The following CNTNAP5 variants were observed in gnomAD, a reference collection of about 807,000 sequenced individuals.
CNTNAP5 encodes contactin-associated protein-like 5.
In CNTNAP5, 72 loss-of-function variants were observed where a neutral mutation model predicts 150.2. The observed-to-expected ratio is 0.48, with a 90% CI of 0.40 to 0.58. CNTNAP5 has a LOEUF of 0.58. Among genes scored for constraint, CNTNAP5 ranks in the 20% least tolerant of loss-of-function variants. The pLI is 0.00. For missense variants in CNTNAP5, 1,636 were observed against 1,626.2 expected (o/e 1.01, Z -0.10); for synonymous variants, 672 against 619.8 (o/e 1.08, Z -1.25).
intron 16 of CNTNAP5, among the ~76,000 whole-genome samples, chr2:124,764,851 G>A (rs182491316): frequency 2.1e-4 from 32 of 152,098 alleles, no homozygotes; most frequent in African/African-American, 7.7e-4. Context: ...ACATCAAGTG[G>A]TATTTTTAAT....
chr2:124,579,663 T>G (rs976137145), intron 11 of CNTNAP5, among the ~76,000 whole-genome samples: 2 of 152,204 alleles, frequency 1.3e-5, no homozygotes, highest in Admixed American at 1.3e-4. Flanking sequence ...CAGCCTTCTC[T>G]AGAATGTGAA....
intron 8 of CNTNAP5, among the ~76,000 whole-genome samples, chr2:124,514,612 A>T (rs1314279261): frequency 1.3e-5 from 2 of 152,192 alleles, no homozygotes; most frequent in Non-Finnish European, 1.5e-5. Flanking sequence ...GTAAAGAGGC[A>T]TTAATGAATA....
At position 124,834,675 on chromosome 2, in the gene CNTNAP5, C is replaced by T. The variant is rs187327653; in HGVS notation, c.3218-30631C>T. On this transcript the variant is annotated intron_variant, in intron 19 of 23. Transcript: ENST00000682447. ...CTCTAGGCAAATCATACTAAGGGAG[C>T]TCTATAGTCAAGTGCACTGTGGCAC... Among the ~76,000 whole-genome samples the T allele has an allele frequency of 2.0e-5, 3 of 152,110 alleles. No individual in the cohort carries two copies. The East Asian group carries it at 5.8e-4, about 29-fold the overall frequency.
intron 4 of CNTNAP5, among the ~76,000 whole-genome samples, chr2:124,431,573 CATTATATATAATTTCTTTA>C (rs1692385141): frequency 7.6e-6 from 1 of 131,998 alleles, no homozygotes; most frequent in Non-Finnish European, 1.6e-5. Flanking sequence ...TTTATATAAA[CATTATATATAATTTCTTTA>C]TATAAACATT....
chr2:124,145,843 A>AGAAAAAAT (rs1684237813), intron 1 of CNTNAP5, among the ~76,000 whole-genome samples: 1 of 143,716 alleles, frequency 7.0e-6, no homozygotes, highest in Non-Finnish European at 1.5e-5. Context: ...AAAAAAAAAA[A>AGAAAAAAT]AAATAAAATA....
intron 3 of CNTNAP5, among the ~76,000 whole-genome samples, chr2:124,259,517 CTGT>C (rs1259795708): frequency 6.6e-6 from 1 of 152,130 alleles, no homozygotes; most frequent in Non-Finnish European, 1.5e-5. Flanking sequence ...TCTCCAGCAC[CTGT>C]TGTTTCCTGA....
chr2:124,568,623 T>C (rs1696084099), intron 11 of CNTNAP5, among the ~76,000 whole-genome samples: 1 of 152,246 alleles, frequency 6.6e-6, no homozygotes, highest in Non-Finnish European at 1.5e-5. Flanking sequence ...CCAAGACGTT[T>C]TTGTTTCTAT....
chr2:124,163,881 A>G (rs953716299), intron 1 of CNTNAP5, among the ~76,000 whole-genome samples: 9 of 152,130 alleles, frequency 5.9e-5, no homozygotes, highest in Non-Finnish European at 1.0e-4. Flanking sequence ...AAAGAATTAA[A>G]ACCTCTCTTA....
At chr2:124,116,459 G>C (rs1683431090) in intron 1 of CNTNAP5, among the ~76,000 whole-genome samples, 1 of 152,174 alleles carries the variant, frequency 6.6e-6, no homozygotes, top group Non-Finnish European at 1.5e-5. Context: ...CTAGCAGCTG[G>C]ACATCCATAG....
At chr2:124,834,476 A>G (rs1682787449) in intron 19 of CNTNAP5, among the ~76,000 whole-genome samples, 3 of 152,158 alleles carry the variant, frequency 2.0e-5, no homozygotes, top group African/African-American at 7.2e-5. Flanking sequence ...TGTTCCACAC[A>G]GAGAGAAGTA....
intron 2 of CNTNAP5, among the ~76,000 whole-genome samples, chr2:124,229,463 C>T (rs1306416897): frequency 6.6e-6 from 1 of 152,156 alleles, no homozygotes; most frequent in East Asian, 1.9e-4. Flanking sequence ...CTTCCACAAA[C>T]ACTTCAGCCT....
At chr2:124,565,984 A>G (rs1348262424) in intron 11 of CNTNAP5, among the ~76,000 whole-genome samples, 1 of 151,722 alleles carries the variant, frequency 6.6e-6, no homozygotes, top group Admixed American at 6.6e-5. Flanking sequence ...TAGGAAGAAA[A>G]ACTAATGAAC....
At chr2:124,446,382 C>A (rs182795882) in intron 5 of CNTNAP5, among the ~76,000 whole-genome samples, 1 of 152,290 alleles carries the variant, frequency 6.6e-6, no homozygotes. Context: ...CCAGGCACGG[C>A]TCCTAATTGG....
chr2:124,114,708 A>G (rs1394417068), intron 1 of CNTNAP5, among the ~76,000 whole-genome samples: 1 of 151,854 alleles, frequency 6.6e-6, no homozygotes, highest in Non-Finnish European at 1.5e-5. Flanking sequence ...TAGTAAAAAT[A>G]TTTCAAAATT....
intron 1 of CNTNAP5, among the ~76,000 whole-genome samples, chr2:124,147,650 T>C (rs1684286690): frequency 6.6e-6 from 1 of 152,246 alleles, no homozygotes; most frequent in Non-Finnish European, 1.5e-5. Flanking sequence ...GCGCTACAGC[T>C]CTGGAGTGGG....
rs138349590 is a variant in CNTNAP5 at position 124,694,994 on chromosome 2, T to TTGTGTGTG, written c.2077+47058_2077+47065dup. Reference sequence around the variant, plus strand: ...GAATACTAGTAGAATATTTCCTAAATTGTGTGTGTGTGTGTGTGTGTGTGT... The same window carrying TTGTGTGTG: ...GAATACTAGTAGAATATTTCCTAAATTGTGTGTGTGTGTGTGTGTGTGTGTGTGTGTGT... On this transcript the variant is annotated intron_variant, in intron 13 of 23. Transcript: ENST00000682447. Among the ~76,000 whole-genome samples the TTGTGTGTG allele has an allele frequency of 1.9e-3, 281 of 150,306 alleles. 1 individual carries two copies. The highest frequency in any genetic ancestry group is 6.3e-3 in the African/African-American group (258 of 40,816).
chr2:124,657,090 G>A (rs1678475600), intron 13 of CNTNAP5, among the ~76,000 whole-genome samples: 1 of 152,126 alleles, frequency 6.6e-6, no homozygotes, highest in Non-Finnish European at 1.5e-5. Context: ...AGAACATTAG[G>A]TCCCTTAGGT....
intron 3 of CNTNAP5, among the ~76,000 whole-genome samples, chr2:124,383,776 T>A (rs191112357): frequency 2.9e-4 from 44 of 152,348 alleles, no homozygotes; most frequent in Non-Finnish European, 1.0e-4. Flanking sequence ...AGCAAAAGTG[T>A]ATTTTATCAT....
rs1692168740 is a variant in CNTNAP5 at position 124,423,673 on chromosome 2, T to G, written c.529+6083T>G. The stretch of plus-strand genomic sequence containing the variant: ...TTAACTTTTTTTTTTTTTTTTTTTT[T>G]TTTTTTTTTGAGACGGAGTCTCGCT... On this transcript the variant is annotated intron_variant, in intron 4 of 23. Coordinates refer to ENST00000682447, the MANE Select transcript of CNTNAP5 (RefSeq NM_001367498.1). Among the ~76,000 whole-genome samples, 4 of 119,598 alleles carry G rather than the reference T, an allele frequency of 3.3e-5. No individual in the cohort carries two copies. In the Admixed American group the frequency reaches 3.6e-4, roughly 11 times the overall value. The allele number at this position is 119,598 out of a possible 152,430, so 78.5% of individuals were successfully genotyped here. A position where few individuals can be genotyped will look rare whatever the true frequency, so the allele number is the denominator to read the frequency against.
Sources: gnomAD v4.1 joint callset for allele counts (sites outside exome capture counted in the v4.1 genomes callset) on GRCh38, gnomAD v4.1.1 for gene constraint, MANE v1.5 for transcripts, NCBI Gene and HGNC (gene_info 2026-07-23, HGNC 2026-07-21) for gene names.